Variants in EPHA3 observed in about 807,000 individuals in gnomAD.
EPHA3 encodes the protein ephrin type-A receptor 3.
In EPHA3, 42 loss-of-function variants were observed where a neutral mutation model predicts 107.1. The ratio of observed to expected loss-of-function variants is 0.39; its 90% CI spans 0.31 to 0.51. EPHA3 has a LOEUF of 0.51. EPHA3 is among the 20% of genes least tolerant of loss of function. The pLI, the probability that EPHA3 is intolerant of heterozygous loss-of-function variation, is 0.78. For missense variants in EPHA3, 1,183 were observed against 1,211.2 expected (o/e 0.98, Z 0.35); for synonymous variants, 461 against 424.8 (o/e 1.09, Z -1.05).
intron 11 of EPHA3, among the ~76,000 whole-genome samples, chr3:89,428,026 A>T (rs1365191752): frequency 6.6e-6 from 1 of 152,006 alleles, no homozygotes; most frequent in Non-Finnish European, 1.5e-5. Flanking sequence ...AAAGTGCTTA[A>T]GTCTTAAGGT....
At chr3:89,458,296 T>A (rs1267659845) in intron 15 of EPHA3, among the ~76,000 whole-genome samples, 1 of 151,772 alleles carries the variant, frequency 6.6e-6, no homozygotes, top group Non-Finnish European at 1.5e-5. Context: ...TATTTTGAGC[T>A]TTGGAGAGCA....
chr3:89,336,831 G>A (rs978164144), intron 3 of EPHA3, among the ~76,000 whole-genome samples: 9 of 152,074 alleles, frequency 5.9e-5, no homozygotes, highest in African/African-American at 2.2e-4. Flanking sequence ...GAAGCTGAAG[G>A]GGGAGAAACT....
At chr3:89,439,055 T>G (rs548160188) in intron 13 of EPHA3, among the ~76,000 whole-genome samples, 1 of 152,304 alleles carries the variant, frequency 6.6e-6, no homozygotes, top group Non-Finnish European at 1.5e-5. Flanking sequence ...GCAGGCAGTC[T>G]GTAGAGAATG....
chr3:89,268,913 A>G (rs1173240558), intron 3 of EPHA3, among the ~76,000 whole-genome samples: 1 of 151,892 alleles, frequency 6.6e-6, no homozygotes, highest in Non-Finnish European at 1.5e-5. Flanking sequence ...GAAAAAAAAA[A>G]CAACCTCAGG....
At chr3:89,249,094 C>T (rs1218791941) in intron 3 of EPHA3, among the ~76,000 whole-genome samples, 4 of 152,202 alleles carry the variant, frequency 2.6e-5, no homozygotes, top group African/African-American at 4.8e-5. Flanking sequence ...GTAAAAGTGA[C>T]TAATGCCACT....
Position 89,419,391 on chromosome 3 carries a change from G to A in EPHA3, c.2074+1G>A. 6.3e-7 allele frequency: 1 copy of A among 1,583,930 alleles called. No homozygotes were observed. Among genetic ancestry groups the A allele is most frequent in the Non-Finnish European group, 8.6e-7 (1 of 1,166,122 alleles). The stretch of plus-strand genomic sequence containing the variant: ...CGACTGGAAGGAGTTGTTACCAAAA[G>A]TAAGTAAAGTAGTCATAAGACCTGT... On this transcript the variant is annotated splice_donor_variant, in intron 11 of 16. Coordinates refer to ENST00000336596, the MANE Select transcript of EPHA3 (RefSeq NM_005233.6). LOFTEE classifies it high-confidence loss of function.
intron 2 of EPHA3, among the ~76,000 whole-genome samples, chr3:89,185,756 C>T (rs1559590475): frequency 6.6e-6 from 1 of 151,986 alleles, no homozygotes; most frequent in Non-Finnish European, 1.5e-5. Context: ...TTCACATATT[C>T]GCATTTACAC....
chr3:89,154,485 A>T (rs954109660), intron 2 of EPHA3, among the ~76,000 whole-genome samples: 3 of 151,908 alleles, frequency 2.0e-5, no homozygotes, highest in African/African-American at 7.2e-5. Context: ...GTGCAGCAAA[A>T]CATAGTCTCA....
intron 2 of EPHA3, among the ~76,000 whole-genome samples, chr3:89,196,682 A>G (rs1705844046): frequency 1.3e-5 from 2 of 152,162 alleles, no homozygotes; most frequent in Admixed American, 1.3e-4. Flanking sequence ...TAGTCATAGT[A>G]GTCAAAATTA....
In EPHA3 at chr3:89,255,903, A is replaced by AAAAT. The variant is rs531479796; in HGVS notation, c.814+45407_814+45410dup. On this transcript the variant is annotated intron_variant, in intron 3 of 16. Transcript: ENST00000336596. ...GTGACAGAGTGAGACTCCATCTCAA[A>AAAAT]AAATAAATAAATAAATAAATAAATA... is the stretch of plus-strand genomic sequence containing the variant. Among the ~76,000 whole-genome samples the AAAAT allele has an allele frequency of 1.1e-3, 172 of 151,778 alleles. 2 individuals carry two copies. The highest frequency in any genetic ancestry group is 9.7e-3 in the East Asian group (50 of 5,148).
intron 3 of EPHA3, among the ~76,000 whole-genome samples, chr3:89,223,648 A>C (rs762982741): frequency 2.6e-5 from 4 of 152,174 alleles, no homozygotes; most frequent in Non-Finnish European, 1.5e-5. Flanking sequence ...CTTAATTCCT[A>C]CAAAATAATT....
rs540099503 is a variant in EPHA3 at position 89,297,276 on chromosome 3, T to A, written c.815-43640T>A. On this transcript the variant is annotated intron_variant, in intron 3 of 16. Transcript: ENST00000336596. ...GCTTTTACACTCTTCCTCACTGAGC[T>A]TAATCATTCTAGTTTTTGATTTAAA... Among the ~76,000 whole-genome samples the A allele has an allele frequency of 9.8e-5, 15 of 152,320 alleles. No individual in the cohort carries two copies. The South Asian group carries it at 1.9e-3, about 19-fold the overall frequency.
intron 12 of EPHA3, among the ~76,000 whole-genome samples, chr3:89,430,265 G>T (rs1365440549): frequency 6.6e-6 from 1 of 152,060 alleles, no homozygotes; most frequent in Non-Finnish European, 1.5e-5. Context: ...ATGACAGAAA[G>T]ATAGATAGAT....
At chr3:89,141,508 A>G (rs545329962) in intron 2 of EPHA3, among the ~76,000 whole-genome samples, 14 of 151,736 alleles carry the variant, frequency 9.2e-5, no homozygotes, top group East Asian at 5.8e-4. Flanking sequence ...TCCTAGATCA[A>G]TGTTTCCCAA....
chr3:89,228,759 A>G (rs561381380), intron 3 of EPHA3, among the ~76,000 whole-genome samples: 102 of 152,038 alleles, frequency 6.7e-4, no homozygotes, highest in Non-Finnish European at 1.0e-3. Context: ...GGACGTATGA[A>G]TGGAAACATA....
At chr3:89,157,793 G>A (rs577215657) in intron 2 of EPHA3, among the ~76,000 whole-genome samples, 1 of 151,790 alleles carries the variant, frequency 6.6e-6, no homozygotes, top group Admixed American at 6.6e-5. Flanking sequence ...ATCCTTGGCA[G>A]TAGGGTAGAT....
At chr3:89,319,135 G>A (rs1278703877) in intron 3 of EPHA3, among the ~76,000 whole-genome samples, 1 of 151,882 alleles carries the variant, frequency 6.6e-6, no homozygotes, top group East Asian at 1.9e-4. Flanking sequence ...GCAATTTTCT[G>A]ATATTCTGGT....
chr3:89,315,681 CT>C (rs1279478867), intron 3 of EPHA3, among the ~76,000 whole-genome samples: 1 of 150,088 alleles, frequency 6.7e-6, no homozygotes, highest in African/African-American at 2.4e-5. Context: ...TGAAAGGGTT[CT>C]TTTTCTTCAG....
intron 3 of EPHA3, among the ~76,000 whole-genome samples, chr3:89,241,954 T>C (rs1704906288): frequency 6.6e-6 from 1 of 152,216 alleles, no homozygotes; most frequent in South Asian, 2.1e-4. Flanking sequence ...CTTAAGCTTA[T>C]ATTGATAGGA....
Sources: gnomAD v4.1 joint callset for allele counts (sites outside exome capture counted in the v4.1 genomes callset) on GRCh38, gnomAD v4.1.1 for gene constraint, MANE v1.5 for transcripts, NCBI Gene and HGNC (gene_info 2026-07-23, HGNC 2026-07-21) for gene names.